Variants in SNX13 observed in about 807,000 individuals in gnomAD.
SNX13 encodes sorting nexin 13.
A neutral mutation model predicts 133.6 loss-of-function variants in SNX13; 45 were observed. That is an observed-to-expected ratio of 0.34 (90% CI 0.27 to 0.43). The LOEUF is 0.43. Among genes scored for constraint, SNX13 ranks in the 20% least tolerant of loss-of-function variants. The pLI is 1.00. For synonymous variants in SNX13, 414 were observed against 373.9 expected (o/e 1.11, Z -1.24); for missense variants, 1,032 against 1,145.1 (o/e 0.90, Z 1.43).
intron 9 of SNX13, among the ~76,000 whole-genome samples, chr7:17,857,887 G>C (rs551177661): frequency 6.6e-6 from 1 of 152,152 alleles, no homozygotes; most frequent in Non-Finnish European, 1.5e-5. Flanking sequence ...TATGAAAATC[G>C]ATAAGCATAA....
At chr7:17,830,300 T>C (rs1025069265) in intron 15 of SNX13, 9 of 984,170 alleles carry the variant, frequency 9.1e-6, no homozygotes, top group Non-Finnish European at 1.1e-5. Context: ...AAGGCATTCG[T>C]GTTCAGGAGA....
At chr7:17,859,374 A>G (rs1175621224) in intron 9 of SNX13, among the ~76,000 whole-genome samples, 1 of 152,120 alleles carries the variant, frequency 6.6e-6, no homozygotes, top group Admixed American at 6.5e-5. Context: ...CAAAATACCA[A>G]TTCACACATA....
chr7:17,816,011 T>C (rs1786611295), intron 19 of SNX13, among the ~76,000 whole-genome samples, 171 bp downstream of exon 19: 1 of 152,106 alleles, frequency 6.6e-6, no homozygotes. Flanking sequence ...AGAAATAATG[T>C]TTACAAATTA....
chr7:17,854,077 T>A (rs1458918463), intron 9 of SNX13, among the ~76,000 whole-genome samples: 8 of 151,832 alleles, frequency 5.3e-5, no homozygotes, highest in Non-Finnish European at 1.2e-4. Context: ...GAATGAAGGG[T>A]ACTGAAAACA....
intron 14 of SNX13, among the ~76,000 whole-genome samples, chr7:17,834,532 C>A (rs1026817148): frequency 6.6e-6 from 1 of 151,706 alleles, no homozygotes; most frequent in East Asian, 1.9e-4. Flanking sequence ...CAATATCTAG[C>A]CCTACAATCA....
At chr7:17,924,900 A>G (rs1470849081) in intron 1 of SNX13, among the ~76,000 whole-genome samples, 1 of 152,136 alleles carries the variant, frequency 6.6e-6, no homozygotes, top group East Asian at 1.9e-4. Flanking sequence ...CGCCACTCAT[A>G]TAACATGTTC....
intron 5 of SNX13, among the ~76,000 whole-genome samples, chr7:17,884,805 T>G (rs1024851455): frequency 2.6e-5 from 4 of 152,116 alleles, no homozygotes; most frequent in Non-Finnish European, 5.9e-5. Context: ...AAATGCAGAT[T>G]CAAACGATAA....
chr7:17,815,846 T>G (rs1786595100), intron 19 of SNX13, among the ~76,000 whole-genome samples: 1 of 152,128 alleles, frequency 6.6e-6, no homozygotes, highest in East Asian at 1.9e-4. Flanking sequence ...TTCTTCAAAA[T>G]CTTGTAAATA....
chr7:17,852,464 A>G (rs1426630554), intron 9 of SNX13, among the ~76,000 whole-genome samples: 1 of 152,220 alleles, frequency 6.6e-6, no homozygotes, highest in Non-Finnish European at 1.5e-5. Context: ...ATGTAAAACA[A>G]AAATAAGGAA....
intron 3 of SNX13, 118 bp from the exon 4 acceptor site, chr7:17,891,753 C>T: frequency 1.6e-6 from 1 of 636,986 alleles, no homozygotes; most frequent in East Asian, 2.8e-5. Context: ...AATAAATAAC[C>T]TTATTTGAGG....
At chr7:17,805,399 G>C (rs1785179341) in intron 20 of SNX13, among the ~76,000 whole-genome samples, 1 of 152,044 alleles carries the variant, frequency 6.6e-6, no homozygotes. Flanking sequence ...ATATAAATAA[G>C]CTAAGTCATG....
intron 1 of SNX13, among the ~76,000 whole-genome samples, chr7:17,934,448 G>C (rs571617021): frequency 6.6e-6 from 1 of 152,326 alleles, no homozygotes; most frequent in Non-Finnish European, 1.5e-5. Flanking sequence ...ATGTGTCTGT[G>C]AGGATGTTTC....
Position 17,940,390 on chromosome 7 carries a change from GCAA to G in SNX13, c.-98_-96del. 1 of 1,413,050 alleles carries G rather than the reference GCAA, an allele frequency of 7.1e-7. No individual in the cohort carries two copies. Among genetic ancestry groups the G allele is most frequent in the Non-Finnish European group, 9.8e-7 (1 of 1,024,150 alleles). The allele number at this position is 1,413,050 out of a possible 1,614,324, so 87.5% of individuals were successfully genotyped here. A position where few individuals can be genotyped will look rare whatever the true frequency, so the allele number is the denominator to read the frequency against. ...ACTGCTCGGGCCGCCGCCAACGGCG[GCAA>G]CTGCTCCTTCAGTCTTCTCCCGGGC... On this transcript the variant is annotated 5_prime_UTR_variant, in exon 1 of 26. Transcript: ENST00000428135.
At chr7:17,829,817 T>C (rs1461702024) in intron 16 of SNX13, among the ~76,000 whole-genome samples, 193 bp downstream of exon 16, 2 of 151,274 alleles carry the variant, frequency 1.3e-5, no homozygotes, top group African/African-American at 2.4e-5. Flanking sequence ...AAAGATAAAA[T>C]ATAATTTTTA....
intron 11 of SNX13, among the ~76,000 whole-genome samples, chr7:17,848,827 C>A (rs976031144): frequency 1.3e-5 from 2 of 152,220 alleles, no homozygotes; most frequent in African/African-American, 4.8e-5. Context: ...AAACAAGACA[C>A]CCCTGTTGCA....
At chr7:17,812,313 C>A (rs565856090) in intron 20 of SNX13, among the ~76,000 whole-genome samples, 339 of 152,058 alleles carry the variant, frequency 2.2e-3, no homozygotes, top group African/African-American at 7.4e-3. Context: ...AGAAAAAAAA[C>A]AACCCCATCA....
rs116899229 is a variant in SNX13 at position 17,911,268 on chromosome 7, G to A, written c.13-13822C>T. Among the ~76,000 whole-genome samples the A allele has an allele frequency of 9.2e-3, 1,406 of 152,266 alleles. 7 individuals carry two copies. The highest frequency in any genetic ancestry group is 0.013 in the Admixed American group (206 of 15,288). On this transcript the variant is annotated intron_variant, in intron 1 of 25. Coordinates refer to ENST00000428135, the MANE Select transcript of SNX13 (RefSeq NM_015132.5). ...ATTTATAAAGAATTGTATCATATAG[G>A]AATGTATCTGAAAAACAAAGTGTGA... is the stretch of plus-strand genomic sequence containing the variant.
At chr7:17,856,785 T>TAAAA (rs200753998) in intron 9 of SNX13, among the ~76,000 whole-genome samples, 60 of 96,964 alleles carry the variant, frequency 6.2e-4, no homozygotes, top group Non-Finnish European at 8.1e-4. Flanking sequence ...GAGACTCTCT[T>TAAAA]AAAAAAAAAA....
At chr7:17,801,808 C>A in intron 21 of SNX13, 149 bp from the exon 22 acceptor site, 2 of 521,966 alleles carry the variant, frequency 3.8e-6, no homozygotes, top group Non-Finnish European at 6.7e-6. Flanking sequence ...AATTTGGAAC[C>A]AAATATAAAG....
Sources: gnomAD v4.1 joint callset for allele counts (sites outside exome capture counted in the v4.1 genomes callset) on GRCh38, gnomAD v4.1.1 for gene constraint, MANE v1.5 for transcripts, NCBI Gene and HGNC (gene_info 2026-07-23, HGNC 2026-07-21) for gene names.